The following MEIKIN variants were observed in gnomAD, a reference collection of about 807,000 sequenced individuals.
The protein encoded by MEIKIN is meiosis-specific kinetochore protein.
intron 11 of MEIKIN, among the ~76,000 whole-genome samples, chr5:131,824,730 C>T (rs760359357): frequency 2.4e-4 from 36 of 152,124 alleles, no homozygotes; most frequent in Middle Eastern, 6.8e-3. Flanking sequence ...AGAGGTTCAA[C>T]GATATGGAGG....
At chr5:131,828,118 T>TA (rs1749646126) in intron 11 of MEIKIN, among the ~76,000 whole-genome samples, 3 of 152,206 alleles carry the variant, frequency 2.0e-5, no homozygotes, top group Non-Finnish European at 1.5e-5. Context: ...AGAGCTCCTA[T>TA]ACATTAAAAA....
Position 131,944,743 on chromosome 5 carries a change from T to C in MEIKIN, c.210A>G (p.Leu70=). The change falls in exon 3 of 13, where the codon TTA becomes TTG. Residue 70 remains leucine (L), a synonymous_variant. Coordinates refer to ENST00000442687, the MANE Select transcript of MEIKIN (RefSeq NM_001303622.2). ...GSGSGPFSPR[L]GVTGEKSLQE... Reference sequence around the variant, plus strand: ...GCAGGCTTTTCTCTCCTGTAACTCCTAAGCGAGGGCTAACAAAGAGACAAC... The same window carrying C: ...GCAGGCTTTTCTCTCCTGTAACTCCCAAGCGAGGGCTAACAAAGAGACAAC... 1 of 399,118 alleles carries C rather than the reference T, an allele frequency of 2.5e-6. No individual in the cohort carries two copies. Among genetic ancestry groups the C allele is most frequent in the East Asian group, 3.6e-5 (1 of 28,080 alleles). 24.7% of individuals were successfully genotyped at this position (399,118 alleles called of 1,614,324 possible).
chr5:131,936,050 A>G (rs1198786053), intron 4 of MEIKIN, among the ~76,000 whole-genome samples: 1 of 152,132 alleles, frequency 6.6e-6, no homozygotes, highest in Non-Finnish European at 1.5e-5. Flanking sequence ...TCAAAATTTC[A>G]TGAATACCCC....
intron 3 of MEIKIN, among the ~76,000 whole-genome samples, chr5:131,943,447 A>G (rs1751907523): frequency 1.3e-5 from 2 of 152,234 alleles, no homozygotes; most frequent in Admixed American, 6.5e-5. Context: ...CAGAATGTCT[A>G]TGGATATCAA....
At chr5:131,925,986 T>C (rs950703056) in intron 5 of MEIKIN, among the ~76,000 whole-genome samples, 6 of 152,148 alleles carry the variant, frequency 3.9e-5, no homozygotes, top group African/African-American at 1.2e-4. Flanking sequence ...CTTTAGAGTG[T>C]TTTACATATA....
At chr5:131,857,019 C>T (rs1750207705) in intron 9 of MEIKIN, among the ~76,000 whole-genome samples, 2 of 150,996 alleles carry the variant, frequency 1.3e-5, no homozygotes, top group African/African-American at 4.9e-5. Context: ...AGGTTAGTTA[C>T]ATATGTATAC....
At chr5:131,821,678 T>C (rs981962681) in intron 11 of MEIKIN, among the ~76,000 whole-genome samples, 1 of 150,456 alleles carries the variant, frequency 6.6e-6, no homozygotes, top group Non-Finnish European at 1.5e-5. Flanking sequence ...TTTACTCTTT[T>C]GCTTTTGCCC....
chr5:131,933,058 G>A (rs1449816437), intron 5 of MEIKIN, among the ~76,000 whole-genome samples: 2 of 152,146 alleles, frequency 1.3e-5, no homozygotes, highest in East Asian at 1.9e-4. Context: ...AGTAAGGCAT[G>A]TATTTGATCT....
At chr5:131,898,309 G>A (rs1751088952) in intron 8 of MEIKIN, among the ~76,000 whole-genome samples, 1 of 152,124 alleles carries the variant, frequency 6.6e-6, no homozygotes, top group African/African-American at 2.4e-5. Flanking sequence ...TGTCCCAGAG[G>A]GGCAGCCGCC....
At chr5:131,900,386 C>T (rs1751136573) in intron 8 of MEIKIN, among the ~76,000 whole-genome samples, 1 of 152,188 alleles carries the variant, frequency 6.6e-6, no homozygotes, top group Admixed American at 6.5e-5. Flanking sequence ...TCATTCCTGG[C>T]CCCAATGACT....
intron 11 of MEIKIN, among the ~76,000 whole-genome samples, chr5:131,841,673 A>G (rs560555425): frequency 6.6e-6 from 1 of 152,344 alleles, no homozygotes; most frequent in South Asian, 2.1e-4. Context: ...TCTGTAGATC[A>G]CTTTGACATG....
At chr5:131,845,219 G>T (rs563990363) in intron 11 of MEIKIN, among the ~76,000 whole-genome samples, 37 of 139,282 alleles carry the variant, frequency 2.7e-4, no homozygotes, top group Non-Finnish European at 4.8e-4. Context: ...GCAGTGAGCC[G>T]AGATGGCACC....
intron 12 of MEIKIN, among the ~76,000 whole-genome samples, chr5:131,817,593 G>A (rs1225390965): frequency 7.0e-6 from 1 of 142,998 alleles, no homozygotes; most frequent in African/African-American, 2.6e-5. Flanking sequence ...TCCAGCCTGG[G>A]TGACAGAGCG....
chr5:131,911,854 C>T lies in MEIKIN; in HGVS notation c.664G>A (p.Val222Ile). Residue 222 changes from valine to isoleucine, a missense_variant, in exon 8 of 13, where the codon GTT (valine) becomes ATT (isoleucine). By Grantham distance (29) the Val-to-Ile change is conservative. Coordinates refer to ENST00000442687, the MANE Select transcript of MEIKIN (RefSeq NM_001303622.2). ...GAAGCACACTTTGCTTTTGGAGAAACATTTTGATCTGCTACTGTCATCACT... is the reference window on the plus strand; with the variant it reads ...GAAGCACACTTTGCTTTTGGAGAAATATTTTGATCTGCTACTGTCATCACT... ...KTVMTVADQNVSPKAKCASNS... is the reference protein window; with the variant it reads ...KTVMTVADQNISPKAKCASNS... 1 of 397,662 alleles carries T rather than the reference C, an allele frequency of 2.5e-6. No homozygotes were observed. The highest frequency in any genetic ancestry group is 4.4e-6 in the Non-Finnish European group (1 of 225,186). The allele number at this position is 397,662 out of a possible 1,614,324, so 24.6% of individuals were successfully genotyped here.
At position 131,822,221 on chromosome 5, in the gene MEIKIN, T is replaced by C. The variant is rs537020983; in HGVS notation, c.976-3358A>G. Among the ~76,000 whole-genome samples the C allele has an allele frequency of 2.6e-5, 4 of 152,262 alleles. No individual in the cohort carries two copies. The East Asian group carries it at 7.7e-4, about 29-fold the overall frequency. On this transcript the variant is annotated intron_variant, in intron 11 of 12. Transcript: ENST00000442687. ...TAGGCAACAGATCATTGGGTCTTGT[T>C]TTCTTTTTTTTAATCCATTCAGCCA...
chr5:131,945,485 A>G lies in MEIKIN; in HGVS notation c.21T>C (p.Tyr7=). The stretch of plus-strand genomic sequence containing the variant: ...TCTGACCCTCCCGCTTTTTGCGGGT[A>G]TAGACCCGTAGCGGCCACATTGCTA... MWPLRV[Y]TRKKREGQRL... The change falls in exon 1 of 13, where the codon TAT becomes TAC. Residue 7 remains tyrosine (Y), a synonymous_variant. Coordinates refer to ENST00000442687, the MANE Select transcript of MEIKIN (RefSeq NM_001303622.2). The G allele has an allele frequency of 2.5e-6, 1 of 399,662 alleles. No individual in the cohort carries two copies. The highest frequency in any genetic ancestry group is 2.1e-5 in the African/African-American group (1 of 48,756). 24.8% of individuals were successfully genotyped at this position (399,662 alleles called of 1,614,324 possible).
intron 4 of MEIKIN, among the ~76,000 whole-genome samples, chr5:131,936,229 AC>A (rs924104028): frequency 6.6e-6 from 1 of 152,230 alleles, no homozygotes; most frequent in Admixed American, 6.5e-5. Context: ...CAATTAAAAA[AC>A]ATATTTTTAT....
At chr5:131,944,217 T>C (rs1004609352) in intron 3 of MEIKIN, among the ~76,000 whole-genome samples, 16 of 152,110 alleles carry the variant, frequency 1.1e-4, no homozygotes, top group African/African-American at 3.9e-4. Flanking sequence ...GCTGTACAAC[T>C]TTAAAATATA....
At chr5:131,827,945 C>T (rs1254501668) in intron 11 of MEIKIN, among the ~76,000 whole-genome samples, 1 of 151,548 alleles carries the variant, frequency 6.6e-6, no homozygotes, top group Non-Finnish European at 1.5e-5. Flanking sequence ...CTACTCAGGA[C>T]GGCTGAGGTG....
Sources: gnomAD v4.1 joint callset for allele counts (sites outside exome capture counted in the v4.1 genomes callset) on GRCh38, gnomAD v4.1.1 for gene constraint, MANE v1.5 for transcripts, NCBI Gene and HGNC (gene_info 2026-07-23, HGNC 2026-07-21) for gene names.